Variants in DLGAP1 observed in about 807,000 individuals in gnomAD.
DLGAP1 encodes the protein disks large-associated protein 1.
Under a neutral mutation model 90.8 loss-of-function variants are expected in DLGAP1, and 11 were observed. That is an observed-to-expected ratio of 0.12 (90% CI 0.08 to 0.20). DLGAP1 has a LOEUF of 0.20. DLGAP1 is among the 10% of genes least tolerant of loss of function. The probability of loss-of-function intolerance (pLI) is 1.00; values close to 1 mark genes in which losing one functional copy is unlikely to be tolerated. For missense variants in DLGAP1, 1,050 were observed against 1,333.8 expected, an observed-to-expected ratio of 0.79 and a Z score of 3.31; for synonymous variants, 558 against 540.7, an observed-to-expected ratio of 1.03 and a Z score of -0.44.
At chr18:4,425,335 C>T (rs2083128636) in intron 1 of DLGAP1, among the ~76,000 whole-genome samples, 1 of 152,024 alleles carries the variant, frequency 6.6e-6, no homozygotes, top group South Asian at 2.1e-4. Context: ...CATGTTCATG[C>T]TTTTATTTGA....
intron 5 of DLGAP1, among the ~76,000 whole-genome samples, chr18:3,748,975 C>T (rs1002189161): frequency 6.6e-6 from 1 of 152,052 alleles, no homozygotes; most frequent in Non-Finnish European, 1.5e-5. Flanking sequence ...ACATTTGTTA[C>T]CATTTATCCA....
chr18:3,900,891 A>G (rs1389189700), intron 3 of DLGAP1, among the ~76,000 whole-genome samples: 1 of 152,040 alleles, frequency 6.6e-6, no homozygotes, highest in African/African-American at 2.4e-5. Context: ...TGTCCAAGCC[A>G]CCTCGCCTCT....
chr18:4,050,224 A>G (rs1437613121), intron 2 of DLGAP1, among the ~76,000 whole-genome samples: 3 of 152,218 alleles, frequency 2.0e-5, no homozygotes, highest in African/African-American at 4.8e-5. Context: ...TGTGGAGGCA[A>G]AACAGACTAG....
chr18:3,546,172 T>C (rs2053002298), intron 9 of DLGAP1, among the ~76,000 whole-genome samples: 1 of 151,990 alleles, frequency 6.6e-6, no homozygotes, highest in South Asian at 2.1e-4. Context: ...GCCTGTAACC[T>C]CAGCAGTTGG....
At chr18:4,442,737 C>T (rs781215073) in intron 1 of DLGAP1, among the ~76,000 whole-genome samples, 54 of 152,292 alleles carry the variant, frequency 3.5e-4, no homozygotes, top group African/African-American at 1.3e-3. Flanking sequence ...TATCAGAGCA[C>T]AGTAATTCAA....
chr18:4,438,890 C>T (rs1343953938), intron 1 of DLGAP1, among the ~76,000 whole-genome samples: 1 of 152,186 alleles, frequency 6.6e-6, no homozygotes, highest in Non-Finnish European at 1.5e-5. Flanking sequence ...CTCAAAATCA[C>T]ATGATGACCC....
chr18:3,691,290 T>C (rs565015515), intron 7 of DLGAP1, among the ~76,000 whole-genome samples: 1 of 152,182 alleles, frequency 6.6e-6, no homozygotes, highest in Non-Finnish European at 1.5e-5. Context: ...CTCCACTGCG[T>C]GATGGTGAAC....
At chr18:3,791,324 T>C (rs9945106) in intron 5 of DLGAP1, among the ~76,000 whole-genome samples, 2,236 of 152,100 alleles carry the variant, frequency 0.015, 63 homozygotes, top group African/African-American at 0.052. Context: ...TCAGCGCAGA[T>C]GGGAAGGCTG....
At chr18:4,024,985 C>G (rs1245356004) in intron 2 of DLGAP1, among the ~76,000 whole-genome samples, 2 of 152,184 alleles carry the variant, frequency 1.3e-5, no homozygotes, top group Non-Finnish European at 2.9e-5. Context: ...GACTCGGACA[C>G]TGGGGAAATC....
chr18:4,415,871 CATG>C, intron 1 of DLGAP1, among the ~76,000 whole-genome samples: 1 of 152,272 alleles, frequency 6.6e-6, no homozygotes, highest in Non-Finnish European at 1.5e-5. Flanking sequence ...GTGTTTATAT[CATG>C]ATATTTGCAT....
At chr18:4,181,334 T>A (rs1188516929) in intron 1 of DLGAP1, among the ~76,000 whole-genome samples, 1 of 152,208 alleles carries the variant, frequency 6.6e-6, no homozygotes, top group African/African-American at 2.4e-5. Context: ...TTAATTATCA[T>A]TGAAATGTCA....
In DLGAP1 at chr18:3,962,727, G is replaced by A. The variant is rs548364526; in HGVS notation, c.-73+42389C>T. 8.5e-5 allele frequency among the ~76,000 whole-genome samples: 13 copies of A among 152,128 alleles called. No individual in the cohort carries two copies. The South Asian group carries it at 2.7e-3, about 32-fold the overall frequency. On this transcript the variant is annotated intron_variant, in intron 3 of 12. Transcript: ENST00000315677. ...ATCCTTCCAGGACATTTATTCTTTA[G>A]TTGTATGCATTTTGCTTTGGACTGA...
intron 1 of DLGAP1, among the ~76,000 whole-genome samples, chr18:4,390,408 T>C (rs1230448359): frequency 6.6e-6 from 1 of 152,058 alleles, no homozygotes; most frequent in Non-Finnish European, 1.5e-5. Context: ...CAGGGCTCAT[T>C]CTCGGTGTTG....
At chr18:3,891,929 T>G (rs938303492) in intron 3 of DLGAP1, 1 of 151,802 alleles carries the variant, frequency 6.6e-6, no homozygotes, top group South Asian at 2.1e-4. Context: ...TTTGTAGAGA[T>G]GGGGGGTCTC....
chr18:3,956,529 T>C (rs1440984819), intron 3 of DLGAP1, among the ~76,000 whole-genome samples: 2 of 152,158 alleles, frequency 1.3e-5, no homozygotes, highest in Non-Finnish European at 2.9e-5. Flanking sequence ...TTTGTATTTT[T>C]AGTAGAGATG....
At chr18:3,730,931 T>C (rs754722347) in intron 6 of DLGAP1, among the ~76,000 whole-genome samples, 4 of 152,174 alleles carry the variant, frequency 2.6e-5, no homozygotes, top group Non-Finnish European at 4.4e-5. Flanking sequence ...AAGAAATACA[T>C]GGACACACAT....
At chr18:3,987,148 G>A (rs1189106750) in intron 3 of DLGAP1, among the ~76,000 whole-genome samples, 3 of 152,082 alleles carry the variant, frequency 2.0e-5, no homozygotes, top group Admixed American at 6.5e-5. Flanking sequence ...ACCTCCCTAG[G>A]GTTTATTTTC....
At chr18:3,750,049 G>A (rs112078716) in intron 5 of DLGAP1, among the ~76,000 whole-genome samples, 50 of 152,244 alleles carry the variant, frequency 3.3e-4, no homozygotes, top group African/African-American at 1.2e-3. Flanking sequence ...AGGTTTTGGG[G>A]TATGAGTGAT....
intron 3 of DLGAP1, among the ~76,000 whole-genome samples, chr18:3,959,025 G>A (rs903108498): frequency 6.6e-6 from 1 of 152,162 alleles, no homozygotes; most frequent in African/African-American, 2.4e-5. Flanking sequence ...CCCACCAAAA[G>A]TTTGTGTCCA....
Sources: gnomAD v4.1 joint callset for allele counts (sites outside exome capture counted in the v4.1 genomes callset) on GRCh38, gnomAD v4.1.1 for gene constraint, MANE v1.5 for transcripts, NCBI Gene and HGNC (gene_info 2026-07-23, HGNC 2026-07-21) for gene names.